Variants in TDRD3 observed in about 807,000 individuals in gnomAD.
TDRD3 encodes tudor domain containing 3, also known as tudor domain-containing protein 3.
A neutral mutation model predicts 86.7 loss-of-function variants in TDRD3; 45 were observed. The ratio of observed to expected loss-of-function variants is 0.52; its 90% CI spans 0.41 to 0.67. The LOEUF is 0.67. Ranked by LOEUF, TDRD3 falls within the 30% of genes least tolerant of loss-of-function variation. TDRD3 has a pLI of 0.00. For missense variants in TDRD3, 814 were observed against 889.0 expected, an observed-to-expected ratio of 0.92 and a Z score of 1.07; for synonymous variants, 298 against 301.7, an observed-to-expected ratio of 0.99 and a Z score of 0.13.
In TDRD3 at chr13:60,397,334, C is replaced by T. The variant is rs746142033; in HGVS notation, c.-31C>T. On this transcript the variant is annotated 5_prime_UTR_variant, in exon 1 of 14. Transcript: ENST00000377881. ...GGCCTCCCCATCACCCCCACCCCAG[C>T]CCCCCACCACCCCCGGCCTAAGCAG... is the stretch of plus-strand genomic sequence containing the variant. The T allele has an allele frequency of 5.1e-5, 73 of 1,419,040 alleles. 1 individual carries two copies. The South Asian group carries it at 9.2e-4, about 18-fold the overall frequency. The allele number at this position is 1,419,040 out of a possible 1,614,324, so 87.9% of individuals were successfully genotyped here.
intron 7 of TDRD3, among the ~76,000 whole-genome samples, chr13:60,488,723 A>G (rs1300404026): frequency 6.6e-6 from 1 of 151,918 alleles, no homozygotes; most frequent in Non-Finnish European, 1.5e-5. Context: ...ACAGGTGTGC[A>G]CCACCGTGTC....
Position 60,483,858 on chromosome 13 carries a change from T to C in TDRD3, c.567+12T>C. The C allele has an allele frequency of 6.2e-7, 1 of 1,609,746 alleles. No individual in the cohort carries two copies. Among genetic ancestry groups the C allele is most frequent in the African/African-American group, 1.3e-5 (1 of 74,816 alleles). The stretch of plus-strand genomic sequence containing the variant: ...TGCCTTTTGGACAGGTAATGACTTT[T>C]GTGTTGGCAGATGAATTTAAATTAG... On this transcript the variant is annotated intron_variant, in intron 6 of 13. Transcript: ENST00000377881.
intron 12 of TDRD3, among the ~76,000 whole-genome samples, chr13:60,554,156 CTGCTTGACA>C (rs1958131959): frequency 6.6e-6 from 1 of 152,152 alleles, no homozygotes; most frequent in Non-Finnish European, 1.5e-5. Context: ...AGTGTACCTG[CTGCTTGACA>C]TTGACAGGAT....
At chr13:60,517,173 G>C (rs1467487968) in intron 10 of TDRD3, among the ~76,000 whole-genome samples, 1 of 149,984 alleles carries the variant, frequency 6.7e-6, no homozygotes, top group Non-Finnish European at 1.5e-5. Flanking sequence ...TGTCTTTTTG[G>C]CTTTGTTTTT....
intron 12 of TDRD3, among the ~76,000 whole-genome samples, chr13:60,558,964 C>CT (rs562728723): frequency 0.011 from 1,504 of 131,472 alleles, 23 homozygotes; most frequent in African/African-American, 0.034. Flanking sequence ...GACATTTTTG[C>CT]TTTTTTTTTT....
At chr13:60,424,122 C>T (rs1483960325) in intron 1 of TDRD3, among the ~76,000 whole-genome samples, 1 of 152,016 alleles carries the variant, frequency 6.6e-6, no homozygotes, top group African/African-American at 2.4e-5. Context: ...CCCGGGTTCA[C>T]GCCATTCTCC....
chr13:60,420,066 A>G (rs1273766946), intron 1 of TDRD3, among the ~76,000 whole-genome samples: 1 of 152,062 alleles, frequency 6.6e-6, no homozygotes, highest in African/African-American at 2.4e-5. Flanking sequence ...TAGATTATTA[A>G]TATTACAAAT....
At chr13:60,464,211 C>G (rs1398947850) in intron 4 of TDRD3, among the ~76,000 whole-genome samples, 2 of 152,134 alleles carry the variant, frequency 1.3e-5, no homozygotes, top group East Asian at 3.9e-4. Context: ...TACCCAGCCT[C>G]AGGTATTCCT....
At chr13:60,472,321 A>C (rs1367935515) in intron 5 of TDRD3, among the ~76,000 whole-genome samples, 1 of 152,182 alleles carries the variant, frequency 6.6e-6, no homozygotes, top group Admixed American at 6.5e-5. Flanking sequence ...AATTTTGGTA[A>C]AATACACATA....
chr13:60,488,482 A>G (rs1294130166), intron 7 of TDRD3, among the ~76,000 whole-genome samples: 3 of 152,136 alleles, frequency 2.0e-5, no homozygotes, highest in Non-Finnish European at 4.4e-5. Context: ...TGATGTTGAC[A>G]TTTTTTCATA....
chr13:60,571,138 ACT>A (rs1373339261), intron 13 of TDRD3, among the ~76,000 whole-genome samples: 2 of 151,850 alleles, frequency 1.3e-5, no homozygotes, highest in African/African-American at 2.4e-5. Flanking sequence ...TCATTTTAAA[ACT>A]CTCACTACAA....
chr13:60,443,253 C>A (rs1309086510), intron 2 of TDRD3, among the ~76,000 whole-genome samples: 1 of 151,954 alleles, frequency 6.6e-6, no homozygotes, highest in East Asian at 1.9e-4. Flanking sequence ...ATAGGGAAGG[C>A]TGGTGTAAGA....
intron 5 of TDRD3, among the ~76,000 whole-genome samples, chr13:60,474,647 A>G (rs967142692): frequency 1.6e-4 from 25 of 152,144 alleles, no homozygotes; most frequent in African/African-American, 6.0e-4. Context: ...TTTTGTCTCT[A>G]TGCTGGTTTT....
In TDRD3 at chr13:60,473,683, A is replaced by T. The variant is rs1422679296; in HGVS notation, c.495+6304A>T. 2.0e-5 allele frequency among the ~76,000 whole-genome samples: 3 copies of T among 152,204 alleles called. No individual in the cohort carries two copies. In the East Asian group the frequency reaches 5.8e-4, roughly 29 times the overall value. On this transcript the variant is annotated intron_variant, in intron 5 of 13. Coordinates refer to ENST00000377881, the MANE Select transcript of TDRD3 (RefSeq NM_001146070.2). The stretch of plus-strand genomic sequence containing the variant: ...CTAGGAAAAACCAGGCCATACAGAG[A>T]TAGGAGCTGAAGGGACATGGTGAGA...
At chr13:60,401,069 AGAAT>A (rs1954084911) in intron 1 of TDRD3, among the ~76,000 whole-genome samples, 1 of 152,210 alleles carries the variant, frequency 6.6e-6, no homozygotes, top group Non-Finnish European at 1.5e-5. Context: ...TGATCCTATT[AGAAT>A]CAAATAAATC....
intron 10 of TDRD3, among the ~76,000 whole-genome samples, chr13:60,519,351 G>A (rs1957241069): frequency 6.6e-6 from 1 of 152,104 alleles, no homozygotes; most frequent in Non-Finnish European, 1.5e-5. Context: ...AAATAGGTTT[G>A]TATATTAATA....
intron 5 of TDRD3, among the ~76,000 whole-genome samples, chr13:60,475,356 T>A (rs1481140462): frequency 2.0e-5 from 3 of 152,250 alleles, no homozygotes. Context: ...TTTGGTTTTC[T>A]GTTCCTGCCT....
chr13:60,565,511 A>C (rs750935133), intron 12 of TDRD3, among the ~76,000 whole-genome samples: 2 of 152,278 alleles, frequency 1.3e-5, no homozygotes, highest in Non-Finnish European at 1.5e-5. Flanking sequence ...CTTTAAACAC[A>C]ATAGATAGAA....
intron 8 of TDRD3, among the ~76,000 whole-genome samples, chr13:60,501,080 A>C (rs999441455): frequency 4.6e-5 from 7 of 152,156 alleles, no homozygotes; most frequent in Non-Finnish European, 1.0e-4. Context: ...TGGCACGTTG[A>C]TTATATTGCA....
Sources: allele counts gnomAD v4.1 joint callset (sites outside exome capture counted in the v4.1 genomes callset), GRCh38; gene constraint gnomAD v4.1.1; transcripts MANE v1.5; gene names NCBI Gene and HGNC (gene_info 2026-07-23, HGNC 2026-07-21).